Variants in TRERF1 observed in about 807,000 individuals in gnomAD.
The protein encoded by TRERF1 is transcriptional-regulating factor 1.
TRERF1 carries 27 observed loss-of-function variants against 122.9 expected under a neutral mutation model. That is an observed-to-expected ratio of 0.22 (90% CI 0.16 to 0.30). The LOEUF (loss-of-function observed/expected upper bound fraction) is 0.30, where lower values mean the gene tolerates loss of function less well. TRERF1 is among the 10% of genes least tolerant of loss of function. TRERF1 has a pLI of 1.00. For missense variants in TRERF1, 1,248 were observed against 1,560.3 expected, an observed-to-expected ratio of 0.80 and a Z score of 3.37; for synonymous variants, 636 against 641.7, an observed-to-expected ratio of 0.99 and a Z score of 0.13.
At chr6:42,374,017 C>T (rs1389330385) in intron 2 of TRERF1, among the ~76,000 whole-genome samples, 8 of 151,736 alleles carry the variant, frequency 5.3e-5, no homozygotes, top group Non-Finnish European at 1.2e-4. Flanking sequence ...CTTGTAATCC[C>T]AGCTACTCAG....
At chr6:42,265,659 G>T in intron 6 of TRERF1, 92 bp downstream of exon 6, 1 of 1,314,342 alleles carries the variant, frequency 7.6e-7, no homozygotes, top group Non-Finnish European at 1.1e-6. Context: ...CTTCTTTGAG[G>T]AATGACTTGG....
chr6:42,380,753 C>T (rs747652878), intron 2 of TRERF1, among the ~76,000 whole-genome samples: 6 of 152,154 alleles, frequency 3.9e-5, no homozygotes, highest in Non-Finnish European at 7.3e-5. Context: ...TCAGCAATGT[C>T]CTCTAAAGAT....
intron 2 of TRERF1, among the ~76,000 whole-genome samples, chr6:42,430,814 C>T (rs531881848): frequency 2.0e-5 from 3 of 151,496 alleles, no homozygotes; most frequent in Admixed American, 6.6e-5. Flanking sequence ...GGGAATCGCT[C>T]GAACCCAGGA....
At chr6:42,422,564 A>G (rs566796658) in intron 2 of TRERF1, among the ~76,000 whole-genome samples, 30 of 150,814 alleles carry the variant, frequency 2.0e-4, no homozygotes, top group African/African-American at 6.8e-4. Flanking sequence ...TTTCACTTCT[A>G]GCTTTACCTT....
At chr6:42,425,534 T>G (rs1312752114) in intron 2 of TRERF1, among the ~76,000 whole-genome samples, 2 of 99,150 alleles carry the variant, frequency 2.0e-5, no homozygotes, top group Non-Finnish European at 4.0e-5. Context: ...TGGGCATTTT[T>G]TTTTTTTTTT....
intron 3 of TRERF1, among the ~76,000 whole-genome samples, chr6:42,336,822 G>A (rs1407503859): frequency 2.0e-5 from 3 of 152,192 alleles, no homozygotes; most frequent in South Asian, 2.1e-4. Context: ...TCACAGGCCT[G>A]TCTCATGGCT....
At chr6:42,343,727 TG>T (rs562073381) in intron 3 of TRERF1, among the ~76,000 whole-genome samples, 189 of 152,342 alleles carry the variant, frequency 1.2e-3, no homozygotes, top group African/African-American at 4.1e-3. Context: ...GTGTTTGTGG[TG>T]GTGCTGTTTT....
intron 3 of TRERF1, among the ~76,000 whole-genome samples, chr6:42,350,026 T>C (rs537262717): frequency 6.6e-6 from 1 of 152,322 alleles, no homozygotes; most frequent in East Asian, 1.9e-4. Context: ...TGGACTATCA[T>C]ATTTAGATTG....
intron 2 of TRERF1, among the ~76,000 whole-genome samples, chr6:42,387,809 A>C (rs1475589865): frequency 1.3e-5 from 2 of 151,902 alleles, no homozygotes; most frequent in Admixed American, 6.6e-5. Context: ...ATTTTATTTT[A>C]TTTTATTTTA....
At chr6:42,241,618 CGCCTG>C (rs1237150009) in intron 15 of TRERF1, among the ~76,000 whole-genome samples, 1 of 152,018 alleles carries the variant, frequency 6.6e-6, no homozygotes, top group Non-Finnish European at 1.5e-5. Context: ...TGTGCTACCA[CGCCTG>C]GCTAATTTTT....
chr6:42,277,093 A>G (rs1407926699), intron 4 of TRERF1, among the ~76,000 whole-genome samples: 5 of 152,122 alleles, frequency 3.3e-5, no homozygotes, highest in Non-Finnish European at 7.3e-5. Flanking sequence ...ACCATATGCC[A>G]CTTCTCTCTC....
At chr6:42,233,576 C>A (rs1390730294) in intron 16 of TRERF1, among the ~76,000 whole-genome samples, 1 of 152,162 alleles carries the variant, frequency 6.6e-6, no homozygotes. Flanking sequence ...TGAGCCACCA[C>A]GCCTGGCCTC....
chr6:42,302,038 T>C (rs76771951), intron 3 of TRERF1, among the ~76,000 whole-genome samples: 2,090 of 152,292 alleles, frequency 0.014, 18 homozygotes, highest in South Asian at 0.03. Flanking sequence ...GTGAGGCTCA[T>C]GGAAAGCTGT....
chr6:42,268,777 G>A lies in TRERF1; in HGVS notation c.814C>T (p.Pro272Ser). Residue 272 changes from proline to serine, a missense_variant, in exon 5 of 18, where the codon CCG becomes TCG. Physicochemically the swap from Pro to Ser is moderately conservative, Grantham distance 74. This residue lies in a region of TRERF1 where 946 missense variants were observed against 1,073.0 expected (regional missense o/e 0.88). Coordinates refer to ENST00000372922, the Ensembl canonical transcript of TRERF1. This position sits in a 1 kb window ranked among gnomAD's most constrained non-coding sequence, Gnocchi z 4.4. ...TGCCCGGCTTGCTGCTGTTGCTGCG[G>A]TGGGTAATACTGGTGCTGCTGCATC... is the stretch of plus-strand genomic sequence containing the variant. The A allele has an allele frequency of 6.2e-7, 1 of 1,614,184 alleles. No homozygotes were observed. The highest frequency in any genetic ancestry group is 8.5e-7 in the Non-Finnish European group (1 of 1,180,026).
intron 3 of TRERF1, among the ~76,000 whole-genome samples, chr6:42,357,414 C>T (rs1770801909): frequency 6.6e-6 from 1 of 151,262 alleles, no homozygotes; most frequent in Non-Finnish European, 1.5e-5. Flanking sequence ...ACAGATGAGG[C>T]TACTAGAAGG....
chr6:42,263,354 G>A lies in TRERF1; in HGVS notation c.1850C>T (p.Ala617Val). The A allele has an allele frequency of 6.2e-7, 1 of 1,613,044 alleles. No individual in the cohort carries two copies. The highest frequency in any genetic ancestry group is 8.5e-7 in the Non-Finnish European group (1 of 1,179,626). ...CATCTCGTCGTCCGACATCGAGCTG[G>A]CTGGCTTGTCTCTGGCGGAGGGGGC... Residue 617 changes from alanine to valine, a missense_variant, in exon 8 of 18, where the codon GCC becomes GTC. Physicochemically the swap from Ala to Val is moderately conservative, Grantham distance 64. Coordinates refer to ENST00000372922, the Ensembl canonical transcript of TRERF1. The surrounding 1 kb of genome is among the most constrained non-coding windows in gnomAD (Gnocchi z 5.6).
chr6:42,327,370 G>C (rs1284597319), intron 3 of TRERF1, among the ~76,000 whole-genome samples: 1 of 152,204 alleles, frequency 6.6e-6, no homozygotes, highest in Admixed American at 6.5e-5. Context: ...AGGTATCTGT[G>C]TAGGCAATTT....
intron 2 of TRERF1, among the ~76,000 whole-genome samples, chr6:42,442,040 A>G (rs1460265426): frequency 6.6e-6 from 1 of 152,128 alleles, no homozygotes; most frequent in African/African-American, 2.4e-5. Flanking sequence ...AAATGTCCTT[A>G]CTTACTGTGG....
At chr6:42,447,579 C>T (rs1787736675) in intron 2 of TRERF1, among the ~76,000 whole-genome samples, 1 of 152,216 alleles carries the variant, frequency 6.6e-6, no homozygotes, top group African/African-American at 2.4e-5. Context: ...CTCAGCCACA[C>T]AGTTTTATGA....
Sources: allele counts gnomAD v4.1 joint callset (sites outside exome capture counted in the v4.1 genomes callset), GRCh38; gene constraint gnomAD v4.1.1; regional missense constraint gnomAD v4.1.1; non-coding constraint Gnocchi (gnomAD v3.1); transcripts MANE v1.5; gene names NCBI Gene and HGNC (gene_info 2026-07-23, HGNC 2026-07-21).